The following KCNH8 variants were observed in gnomAD, a reference collection of about 807,000 sequenced individuals.
KCNH8 encodes potassium voltage-gated channel subfamily H member 8.
In KCNH8, 70 loss-of-function variants were observed where a neutral mutation model predicts 103.6. The ratio of observed to expected loss-of-function variants is 0.68; its 90% CI spans 0.56 to 0.82. The LOEUF (loss-of-function observed/expected upper bound fraction) is 0.82. KCNH8 is among the 40% of genes least tolerant of loss of function. The pLI is 0.00. For synonymous variants in KCNH8, 498 were observed against 489.4 expected (o/e 1.02, Z -0.23); for missense variants, 1,217 against 1,329.9 (o/e 0.92, Z 1.32).
At chr3:19,457,883 A>G (rs187117667) in intron 11 of KCNH8, among the ~76,000 whole-genome samples, 38 of 152,142 alleles carry the variant, frequency 2.5e-4, no homozygotes, top group Admixed American at 2.0e-3. Context: ...GGGCTATCTA[A>G]TGACAGTAAG....
chr3:19,148,583 C>T lies in KCNH8; in HGVS notation c.-137C>T, dbSNP rs1386688139. 1.0e-5 allele frequency: 8 copies of T among 797,972 alleles called. No homozygotes were observed. In the Admixed American group the frequency reaches 1.5e-4, roughly 15 times the overall value. The allele number at this position is 797,972 out of a possible 1,614,324, so 49.4% of individuals were successfully genotyped here. On this transcript the variant is annotated 5_prime_UTR_variant, in exon 1 of 16. Coordinates refer to ENST00000328405, the MANE Select transcript of KCNH8 (RefSeq NM_144633.3). ...CTTTCTCCCTCCATCCTTCCACTTC[C>T]CCTGCTCGGCCCCGCCGTCAGGCCG...
chr3:19,388,186 C>T (rs2066385738), intron 5 of KCNH8, among the ~76,000 whole-genome samples: 1 of 152,090 alleles, frequency 6.6e-6, no homozygotes, highest in South Asian at 2.1e-4. Context: ...AACTTATGGG[C>T]TTACCTTAGC....
intron 7 of KCNH8, among the ~76,000 whole-genome samples, chr3:19,437,480 A>G (rs551537690): frequency 6.6e-6 from 1 of 152,306 alleles, no homozygotes; most frequent in African/African-American, 2.4e-5. Context: ...ATATATACAT[A>G]GTATCATAAA....
At chr3:19,500,328 G>C (rs547342851) in intron 11 of KCNH8, among the ~76,000 whole-genome samples, 1 of 152,152 alleles carries the variant, frequency 6.6e-6, no homozygotes, top group South Asian at 2.1e-4. Flanking sequence ...CTCCCACACA[G>C]TAATAATGGG....
At chr3:19,345,728 T>G (rs981008485) in intron 4 of KCNH8, among the ~76,000 whole-genome samples, 2 of 152,048 alleles carry the variant, frequency 1.3e-5, no homozygotes, top group Non-Finnish European at 2.9e-5. Context: ...TTTTTTTCAC[T>G]CAGGTGATTA....
chr3:19,384,191 C>T (rs1486161196), intron 5 of KCNH8, among the ~76,000 whole-genome samples: 2 of 152,302 alleles, frequency 1.3e-5, no homozygotes, highest in East Asian at 3.9e-4. Flanking sequence ...TGTGCACTGT[C>T]TCCTCTGACC....
intron 5 of KCNH8, among the ~76,000 whole-genome samples, chr3:19,367,422 AAT>A (rs925251189): frequency 1.4e-5 from 2 of 146,386 alleles, no homozygotes; most frequent in African/African-American, 2.5e-5. Flanking sequence ...ATATATCAGA[AAT>A]ATATATATCA....
intron 7 of KCNH8, among the ~76,000 whole-genome samples, chr3:19,403,556 AAGGTATAAGGTATACCTTATAC>A (rs1457780940): frequency 1.3e-5 from 2 of 151,238 alleles, no homozygotes; most frequent in Admixed American, 6.6e-5. Flanking sequence ...ATACAGGTAT[AAGGTATAAGGTATACCTTATAC>A]AGGTATAAGA....
intron 15 of KCNH8, among the ~76,000 whole-genome samples, chr3:19,521,146 T>G (rs1352097325): frequency 6.6e-6 from 1 of 151,852 alleles, no homozygotes; most frequent in Admixed American, 6.6e-5. Context: ...GGTTTGTAGG[T>G]GAAGGTTAGA....
At chr3:19,470,267 A>G (rs539171899) in intron 11 of KCNH8, among the ~76,000 whole-genome samples, 17 of 152,322 alleles carry the variant, frequency 1.1e-4, no homozygotes, top group African/African-American at 3.6e-4. Flanking sequence ...AATAAAACAC[A>G]TGCACACATA....
intron 12 of KCNH8, 95 bp downstream of exon 12, chr3:19,510,496 A>C (rs542522760): frequency 1.2e-6 from 1 of 822,882 alleles, no homozygotes; most frequent in South Asian, 1.4e-5. Context: ...TCATGTATTT[A>C]TCTTTTACTT....
intron 2 of KCNH8, among the ~76,000 whole-genome samples, chr3:19,258,939 CTCTCTCTCTATATATATATATATATA>C (rs1379343827): frequency 6.7e-5 from 5 of 74,108 alleles, no homozygotes; most frequent in Non-Finnish European, 1.4e-4. Flanking sequence ...CTCTCTCTCT[CTCTCTCTCTATATATATATATATATA>C]TATATATATA....
intron 2 of KCNH8, among the ~76,000 whole-genome samples, chr3:19,273,565 A>T (rs1241406998): frequency 6.6e-6 from 1 of 152,178 alleles, no homozygotes; most frequent in African/African-American, 2.4e-5. Context: ...TCCTACACAG[A>T]GCTGCCATGG....
At chr3:19,470,290 G>A (rs998615751) in intron 11 of KCNH8, among the ~76,000 whole-genome samples, 22 of 152,092 alleles carry the variant, frequency 1.4e-4, no homozygotes, top group African/African-American at 4.8e-4. Flanking sequence ...ACAAGTACCC[G>A]CTGGATCTCA....
chr3:19,513,355 C>A (rs572710637), intron 13 of KCNH8, 30 bp downstream of exon 13: 1 of 1,548,232 alleles, frequency 6.5e-7, no homozygotes, highest in Non-Finnish European at 8.7e-7. Context: ...AACTTTCTCA[C>A]GTGAACGTGG....
At chr3:19,430,330 CT>C (rs2067101265) in intron 7 of KCNH8, among the ~76,000 whole-genome samples, 1 of 152,004 alleles carries the variant, frequency 6.6e-6, no homozygotes, top group East Asian at 1.9e-4. Flanking sequence ...GTCTGTGTGC[CT>C]ATTCTTGTAC....
intron 2 of KCNH8, among the ~76,000 whole-genome samples, chr3:19,263,962 C>T (rs1044450630): frequency 3.3e-5 from 5 of 151,960 alleles, no homozygotes; most frequent in Admixed American, 3.3e-4. Flanking sequence ...TAAGTGTATT[C>T]GAGAATGTTG....
chr3:19,521,288 G>A (rs1335936276), intron 15 of KCNH8, among the ~76,000 whole-genome samples: 1 of 151,938 alleles, frequency 6.6e-6, no homozygotes, highest in East Asian at 1.9e-4. Context: ...AATTCACTTT[G>A]GAAAGAGACA....
chr3:19,383,007 C>T (rs997224768), intron 5 of KCNH8, among the ~76,000 whole-genome samples: 1 of 151,982 alleles, frequency 6.6e-6, no homozygotes, highest in African/African-American at 2.4e-5. Context: ...AAATTATGCC[C>T]CGGTCCTCAA....
Sources: gnomAD v4.1 joint callset for allele counts (sites outside exome capture counted in the v4.1 genomes callset) on GRCh38, gnomAD v4.1.1 for gene constraint, MANE v1.5 for transcripts, NCBI Gene and HGNC (gene_info 2026-07-23, HGNC 2026-07-21) for gene names.